Variants in RAB28 observed in about 807,000 individuals in gnomAD.
RAB28 encodes the protein ras-related protein Rab-28.
A neutral mutation model predicts 31.7 loss-of-function variants in RAB28; 24 were observed. That is an observed-to-expected ratio of 0.76 (90% confidence interval 0.55 to 1.06). The LOEUF (loss-of-function observed/expected upper bound fraction) is 1.06. RAB28 is among the 50% of genes least tolerant of loss of function. The probability of loss-of-function intolerance (pLI) is 0.00; values close to 1 mark genes in which losing one functional copy is unlikely to be tolerated. For synonymous variants in RAB28, 100 were observed against 90.4 expected (o/e 1.11, Z -0.60); for missense variants, 254 against 258.5 (o/e 0.98, Z 0.12).
chr4:13,450,469 T>C (rs891380042), intron 4 of RAB28, among the ~76,000 whole-genome samples: 7 of 151,878 alleles, frequency 4.6e-5, no homozygotes, highest in Non-Finnish European at 8.9e-5. Flanking sequence ...TTTTCCCCCA[T>C]TAAAAAAATC....
intron 6 of RAB28, chr4:13,370,470 G>T: frequency 1.3e-6 from 1 of 764,216 alleles, no homozygotes; most frequent in Non-Finnish European, 1.6e-6. Context: ...AGTTGCTGAG[G>T]CCCTAATGGA....
At chr4:13,398,896 T>C (rs1711598198) in intron 4 of RAB28, among the ~76,000 whole-genome samples, 1 of 152,008 alleles carries the variant, frequency 6.6e-6, no homozygotes, top group Non-Finnish European at 1.5e-5. Flanking sequence ...TACTGGAAGA[T>C]GGGGAGAGAT....
intron 4 of RAB28, among the ~76,000 whole-genome samples, chr4:13,447,164 T>C (rs1299110582): frequency 1.2e-4 from 18 of 152,126 alleles, no homozygotes; most frequent in Admixed American, 1.2e-3. Context: ...ATCGAAAGCC[T>C]CCTATCTGGT....
Position 13,479,505 on chromosome 4 carries a change from CA to C in RAB28, c.96del (p.Phe32LeufsTer14). ...ASGKTSLTTC[F>X]AQETFGKQYK... ...TACTGTTTCCCAAAAGTTTCTTGAG[CA>C]AAACACGTAGTTAAGGAGGTCTAAA... On this transcript the variant is annotated frameshift_variant, in exon 2 of 7. Transcript: ENST00000330852. LOFTEE classifies it high-confidence loss of function. 1 of 1,606,168 alleles carries C rather than the reference CA, an allele frequency of 6.2e-7. No individual in the cohort carries two copies. The highest frequency in any genetic ancestry group is 8.5e-7 in the Non-Finnish European group (1 of 1,174,570).
Position 13,479,546 on chromosome 4 carries a change from A to G in RAB28, c.76-20T>C. The stretch of plus-strand genomic sequence containing the variant: ...GGAGGTCTAAAAAATTGATGCACAG[A>G]ATGTCAAAATTAATTCATTAAAGAA... On this transcript the variant is annotated intron_variant, in intron 1 of 6. Coordinates refer to ENST00000330852, the MANE Select transcript of RAB28 (RefSeq NM_001017979.3). The G allele has an allele frequency of 1.5e-5, 21 of 1,438,096 alleles. No homozygotes were observed. Among genetic ancestry groups the G allele is most frequent in the Non-Finnish European group, 2.0e-5 (21 of 1,028,448 alleles). The allele number at this position is 1,438,096 out of a possible 1,614,324, so 89.1% of individuals were successfully genotyped here.
chr4:13,437,008 T>G (rs149018652), intron 4 of RAB28, among the ~76,000 whole-genome samples: 1 of 152,006 alleles, frequency 6.6e-6, no homozygotes, highest in African/African-American at 2.4e-5. Context: ...GGTTAACAAA[T>G]AGACACATAG....
chr4:13,396,713 A>G (rs1337606790), intron 4 of RAB28, among the ~76,000 whole-genome samples: 1 of 152,058 alleles, frequency 6.6e-6, no homozygotes, highest in Non-Finnish European at 1.5e-5. Context: ...ACTAGTTTTT[A>G]CATTTCTTTA....
intron 4 of RAB28, among the ~76,000 whole-genome samples, chr4:13,436,345 G>A (rs1346050622): frequency 2.0e-5 from 3 of 152,106 alleles, no homozygotes; most frequent in African/African-American, 7.2e-5. Flanking sequence ...AATACTGGAA[G>A]TCCTAGCCAG....
chr4:13,465,068 G>A (rs1237493449), intron 3 of RAB28, among the ~76,000 whole-genome samples: 1 of 151,926 alleles, frequency 6.6e-6, no homozygotes, highest in African/African-American at 2.4e-5. Flanking sequence ...AACTCACTGA[G>A]CTTAAAGACA....
chr4:13,372,550 T>A (rs1728757535), intron 6 of RAB28, among the ~76,000 whole-genome samples: 1 of 152,118 alleles, frequency 6.6e-6, no homozygotes, highest in South Asian at 2.1e-4. Context: ...AGAAAAAATG[T>A]TATGTAATAT....
chr4:13,438,133 T>G (rs1222464817), intron 4 of RAB28, among the ~76,000 whole-genome samples: 1 of 152,226 alleles, frequency 6.6e-6, no homozygotes, highest in Non-Finnish European at 1.5e-5. Flanking sequence ...GAGTTTCGTA[T>G]GCATGATCCA....
intron 4 of RAB28, among the ~76,000 whole-genome samples, chr4:13,410,975 G>A (rs1055792729): frequency 2.0e-5 from 3 of 151,968 alleles, no homozygotes; most frequent in African/African-American, 7.3e-5. Context: ...AAAGACACAG[G>A]TTTTAAAGAC....
intron 4 of RAB28, among the ~76,000 whole-genome samples, chr4:13,434,962 T>C (rs1170780955): frequency 7.2e-6 from 1 of 138,152 alleles, no homozygotes; most frequent in African/African-American, 2.8e-5. Flanking sequence ...GAGGTTGCAG[T>C]GAGCCGAGAT....
intron 4 of RAB28, among the ~76,000 whole-genome samples, chr4:13,428,530 G>C (rs1206741540): frequency 6.6e-6 from 1 of 152,164 alleles, no homozygotes; most frequent in African/African-American, 2.4e-5. Flanking sequence ...CTTTTTAAAT[G>C]AAAGTTTTAA....
At chr4:13,410,547 T>C (rs1712379675) in intron 4 of RAB28, among the ~76,000 whole-genome samples, 4 of 151,910 alleles carry the variant, frequency 2.6e-5, no homozygotes, top group Admixed American at 2.0e-4. Context: ...AATAAATAAA[T>C]AAATAAAACT....
At position 13,389,723 on chromosome 4, in the gene RAB28, T is replaced by TCATTGAGGTTTACAGCTTTTATTC. The variant is rs539738042; in HGVS notation, c.392-8153_392-8130dup. ...TTTAGTACCATGTTTTGTTTTTATTTCATTGAGGTTTACAGCTTTTATTCA... is the reference window on the plus strand; with the variant it reads ...TTTAGTACCATGTTTTGTTTTTATTTCATTGAGGTTTACAGCTTTTATTCCATTGAGGTTTACAGCTTTTATTCA... On this transcript the variant is annotated intron_variant, in intron 4 of 6. Transcript: ENST00000330852. Among the ~76,000 whole-genome samples the TCATTGAGGTTTACAGCTTTTATTC allele has an allele frequency of 2.3e-3, 355 of 152,260 alleles. 4 individuals carry two copies. In the East Asian group the frequency reaches 0.026, roughly 11 times the overall value.
At chr4:13,385,339 G>A (rs1729321378) in intron 4 of RAB28, among the ~76,000 whole-genome samples, 1 of 152,030 alleles carries the variant, frequency 6.6e-6, no homozygotes, top group Admixed American at 6.6e-5. Flanking sequence ...TTCAAATTCA[G>A]GAAATGAAGA....
chr4:13,371,288 G>A (rs1728702624), intron 6 of RAB28: 9 of 985,126 alleles, frequency 9.1e-6, no homozygotes, highest in Admixed American at 6.2e-5. Context: ...GCCAAATGAG[G>A]TATGAATCGG....
intron 4 of RAB28, among the ~76,000 whole-genome samples, chr4:13,437,558 T>G (rs1714192215): frequency 6.6e-6 from 1 of 152,004 alleles, no homozygotes; most frequent in Non-Finnish European, 1.5e-5. Flanking sequence ...CATACAACAC[T>G]TCTCAAAAGA....
Sources: gnomAD v4.1 joint callset for allele counts (sites outside exome capture counted in the v4.1 genomes callset) on GRCh38, gnomAD v4.1.1 for gene constraint, MANE v1.5 for transcripts, NCBI Gene and HGNC (gene_info 2026-07-23, HGNC 2026-07-21) for gene names.